Variants in LRP1B observed in about 807,000 individuals in gnomAD.
LRP1B encodes the protein low-density lipoprotein receptor-related protein 1B.
Under a neutral mutation model 556.6 loss-of-function variants are expected in LRP1B, and 217 were observed. That is an observed-to-expected ratio of 0.39 (90% CI 0.35 to 0.44). LRP1B has a LOEUF of 0.44. Among genes scored for constraint, LRP1B ranks in the 20% least tolerant of loss-of-function variants. The probability of loss-of-function intolerance (pLI) is 1.00; values close to 1 mark genes in which losing one functional copy is unlikely to be tolerated. For synonymous variants in LRP1B, 2,047 were observed against 1,865.8 expected, an observed-to-expected ratio of 1.10 and a Z score of -2.50; for missense variants, 5,053 against 5,620.8, an observed-to-expected ratio of 0.90 and a Z score of 3.23.
At chr2:141,110,609 A>G (rs527769460) in intron 7 of LRP1B, among the ~76,000 whole-genome samples, 1 of 151,248 alleles carries the variant, frequency 6.6e-6, no homozygotes, top group Admixed American at 6.6e-5. Context: ...CTTTGTGGGA[A>G]AACAAAGACA....
At chr2:142,057,134 A>T (rs1211240452) in intron 1 of LRP1B, among the ~76,000 whole-genome samples, 11 of 152,206 alleles carry the variant, frequency 7.2e-5, no homozygotes, top group Non-Finnish European at 2.9e-5. Flanking sequence ...ATCAAACATC[A>T]CCGCTTCATT....
chr2:140,834,810 C>T (rs985745779), intron 31 of LRP1B, among the ~76,000 whole-genome samples: 2 of 152,084 alleles, frequency 1.3e-5, no homozygotes, highest in African/African-American at 2.4e-5. Flanking sequence ...TTAACTCATA[C>T]TGTTAAAATT....
At chr2:141,135,491 A>G (rs1045357611) in intron 7 of LRP1B, among the ~76,000 whole-genome samples, 8 of 151,968 alleles carry the variant, frequency 5.3e-5, no homozygotes, top group Non-Finnish European at 1.2e-4. Flanking sequence ...GGGACAAACA[A>G]ATTAACGTTT....
chr2:141,231,518 C>T (rs760669451), intron 5 of LRP1B, among the ~76,000 whole-genome samples: 2 of 152,102 alleles, frequency 1.3e-5, no homozygotes, highest in African/African-American at 2.4e-5. Context: ...CAGAGATGGT[C>T]CAGTGGCTGC....
chr2:142,086,047 G>A (rs951413304), intron 1 of LRP1B, among the ~76,000 whole-genome samples: 1 of 152,098 alleles, frequency 6.6e-6, no homozygotes, highest in Non-Finnish European at 1.5e-5. Flanking sequence ...ACTACTAGTG[G>A]TTTCAGCTCT....
chr2:142,061,390 C>T (rs1291934692), intron 1 of LRP1B, among the ~76,000 whole-genome samples: 1 of 151,918 alleles, frequency 6.6e-6, no homozygotes. Context: ...TTCCGAAACA[C>T]ACTGCTCTTA....
At chr2:141,385,772 TAATCA>T (rs1322844779) in intron 3 of LRP1B, among the ~76,000 whole-genome samples, 1 of 152,190 alleles carries the variant, frequency 6.6e-6, no homozygotes, top group Non-Finnish European at 1.5e-5. Flanking sequence ...AGAAACCTTT[TAATCA>T]AAACACAGCA....
chr2:140,842,660 C>T (rs937107840), intron 29 of LRP1B, among the ~76,000 whole-genome samples: 6 of 151,938 alleles, frequency 3.9e-5, no homozygotes, highest in Admixed American at 2.6e-4. Context: ...AAACCTGCCA[C>T]GTCTTATACA....
intron 18 of LRP1B, among the ~76,000 whole-genome samples, chr2:140,955,023 A>T (rs1292887316): frequency 6.6e-6 from 1 of 151,994 alleles, no homozygotes; most frequent in Non-Finnish European, 1.5e-5. Flanking sequence ...TAAATCACTC[A>T]GCTTCTCTGG....
chr2:141,422,718 T>C (rs939116668), intron 3 of LRP1B, among the ~76,000 whole-genome samples: 1 of 152,240 alleles, frequency 6.6e-6, no homozygotes, highest in African/African-American at 2.4e-5. Context: ...AATGATATCA[T>C]CTTCTCTTCC....
intron 11 of LRP1B, among the ~76,000 whole-genome samples, chr2:141,031,601 AT>A (rs994655634): frequency 6.6e-6 from 1 of 151,936 alleles, no homozygotes; most frequent in African/African-American, 2.4e-5. Flanking sequence ...TTCTGAAGCT[AT>A]TTTTTAATAG....
intron 21 of LRP1B, among the ~76,000 whole-genome samples, chr2:140,916,243 C>T (rs966145544): frequency 2.0e-5 from 3 of 151,982 alleles, no homozygotes; most frequent in African/African-American, 7.3e-5. Context: ...TCATATATAA[C>T]CCATCATATA....
At chr2:141,686,334 T>C (rs1191176940) in intron 2 of LRP1B, among the ~76,000 whole-genome samples, 1 of 151,962 alleles carries the variant, frequency 6.6e-6, no homozygotes, top group Non-Finnish European at 1.5e-5. Context: ...AATAATAAAA[T>C]ATAAATGTTT....
intron 2 of LRP1B, among the ~76,000 whole-genome samples, chr2:141,769,779 G>A (rs896010510): frequency 1.6e-5 from 2 of 127,588 alleles, no homozygotes; most frequent in African/African-American, 6.1e-5. Flanking sequence ...CTGAGATGCT[G>A]TCTTTCAGCC....
intron 6 of LRP1B, among the ~76,000 whole-genome samples, chr2:141,201,507 C>A (rs1409815013): frequency 9.9e-5 from 15 of 152,094 alleles, no homozygotes. Context: ...TACCAATTAC[C>A]TTGACAACTT....
chr2:141,314,222 C>T (rs1012449003), intron 3 of LRP1B, among the ~76,000 whole-genome samples: 1 of 152,174 alleles, frequency 6.6e-6, no homozygotes, highest in Non-Finnish European at 1.5e-5. Context: ...TGGTATAGCT[C>T]TGTCTTCAGG....
chr2:140,582,315 C>T (rs919365573), intron 43 of LRP1B, among the ~76,000 whole-genome samples: 1 of 152,122 alleles, frequency 6.6e-6, no homozygotes. Flanking sequence ...ATCACTATCA[C>T]GTAAAAGCCC....
At chr2:141,647,321 T>A (rs1689607392) in intron 2 of LRP1B, among the ~76,000 whole-genome samples, 1 of 152,172 alleles carries the variant, frequency 6.6e-6, no homozygotes, top group South Asian at 2.1e-4. Context: ...CTTAGCAACC[T>A]TGGAAGCCAA....
intron 84 of LRP1B, among the ~76,000 whole-genome samples, chr2:140,294,323 T>G (rs969879170): frequency 2.0e-5 from 3 of 151,378 alleles, no homozygotes; most frequent in African/African-American, 7.4e-5. Context: ...TAAATTGATC[T>G]TAAATTGATC....
Sources: gnomAD v4.1 joint callset for allele counts (sites outside exome capture counted in the v4.1 genomes callset) on GRCh38, gnomAD v4.1.1 for gene constraint, MANE v1.5 for transcripts, NCBI Gene and HGNC (gene_info 2026-07-23, HGNC 2026-07-21) for gene names.